Variants in ATF6 observed in about 807,000 individuals in gnomAD.
ATF6 encodes cyclic AMP-dependent transcription factor ATF-6 alpha.
In ATF6, 53 loss-of-function variants were observed where a neutral mutation model predicts 83.6. The observed-to-expected ratio is 0.63, with a 90% CI of 0.51 to 0.80. The LOEUF (loss-of-function observed/expected upper bound fraction) is 0.80, where lower values mean the gene tolerates loss of function less well. ATF6 is among the 30% of genes least tolerant of loss of function. The probability of loss-of-function intolerance (pLI) is 0.00; values close to 1 mark genes in which losing one functional copy is unlikely to be tolerated. For synonymous variants in ATF6, 288 were observed against 285.8 expected, an observed-to-expected ratio of 1.01 and a Z score of -0.08; for missense variants, 744 against 797.9, an observed-to-expected ratio of 0.93 and a Z score of 0.81.
At position 161,959,533 on chromosome 1, in the gene ATF6, A is replaced by G. The variant is rs1410022773; in HGVS notation, c.*879A>G. The G allele has an allele frequency of 3.3e-5, 5 of 151,912 alleles. No individual in the cohort carries two copies. The highest frequency in any genetic ancestry group is 1.9e-4 in the East Asian group (1 of 5,186). 9.4% of individuals were successfully genotyped at this position (151,912 alleles called of 1,614,324 possible). A position where few individuals can be genotyped will look rare whatever the true frequency, so the allele number is the denominator to read the frequency against. On this transcript the variant is annotated 3_prime_UTR_variant, in exon 16 of 16. Coordinates refer to ENST00000367942, the MANE Select transcript of ATF6 (RefSeq NM_007348.4). ...AAAATACAAAAAATTAGCCGGGCGT[A>G]GTGACGGGCGCCTGTAGTCCCAGCT...
chr1:161,945,475 C>T (rs1688729859), intron 15 of ATF6, among the ~76,000 whole-genome samples: 1 of 152,182 alleles, frequency 6.6e-6, no homozygotes, highest in Non-Finnish European at 1.5e-5. Flanking sequence ...ACTGTTGTCA[C>T]TATGCCAGTC....
intron 14 of ATF6, among the ~76,000 whole-genome samples, chr1:161,881,652 G>A (rs576055788): frequency 6.6e-6 from 1 of 152,166 alleles, no homozygotes; most frequent in East Asian, 1.9e-4. Context: ...GAAGCTTTGC[G>A]AGTTCTTTAT....
At chr1:161,859,570 A>T (rs2101835002) in intron 12 of ATF6, among the ~76,000 whole-genome samples, 1 of 152,338 alleles carries the variant, frequency 6.6e-6, no homozygotes, top group African/African-American at 2.4e-5. Context: ...ATGCCCTTGA[A>T]GTCTGATACC....
At chr1:161,895,205 C>G (rs1055850772) in intron 14 of ATF6, among the ~76,000 whole-genome samples, 20 of 152,082 alleles carry the variant, frequency 1.3e-4, no homozygotes, top group African/African-American at 4.6e-4. Context: ...CCACTGCACT[C>G]CAGCTTGGCT....
At chr1:161,895,645 A>T (rs761608863) in intron 14 of ATF6, among the ~76,000 whole-genome samples, 1 of 152,220 alleles carries the variant, frequency 6.6e-6, no homozygotes, top group Non-Finnish European at 1.5e-5. Context: ...TGCCTATATG[A>T]CTGTGAGAAT....
chr1:161,904,325 C>T (rs568184069), intron 14 of ATF6, among the ~76,000 whole-genome samples: 12 of 152,280 alleles, frequency 7.9e-5, no homozygotes, highest in East Asian at 3.9e-4. Flanking sequence ...TGGTGACTCA[C>T]GCCTGTAATC....
At chr1:161,929,788 CCA>C (rs1203595715) in intron 15 of ATF6, among the ~76,000 whole-genome samples, 15 of 152,220 alleles carry the variant, frequency 9.9e-5, no homozygotes, top group Admixed American at 3.9e-4. Context: ...GTTTACAAAC[CCA>C]CAGTTAGTGA....
intron 7 of ATF6, among the ~76,000 whole-genome samples, chr1:161,813,433 G>C (rs186099673): frequency 1.1e-4 from 16 of 152,270 alleles, no homozygotes; most frequent in African/African-American, 3.8e-4. Flanking sequence ...TTTTGGATTG[G>C]ATGAGACCTT....
At chr1:161,782,778 A>G (rs2101729339) in intron 3 of ATF6, among the ~76,000 whole-genome samples, 1 of 133,802 alleles carries the variant, frequency 7.5e-6, no homozygotes, top group South Asian at 2.6e-4. Context: ...ACACAAAGTC[A>G]GTGTTCTGGT....
At chr1:161,833,381 C>G (rs1399399223) in intron 9 of ATF6, among the ~76,000 whole-genome samples, 2 of 151,978 alleles carry the variant, frequency 1.3e-5, no homozygotes. Context: ...GCTCCTCACC[C>G]GCAACAGAAC....
intron 7 of ATF6, among the ~76,000 whole-genome samples, chr1:161,806,788 T>C (rs1362778673): frequency 2.0e-5 from 3 of 152,178 alleles, no homozygotes; most frequent in African/African-American, 4.8e-5. Flanking sequence ...AATCCTTTGC[T>C]ACTGGTTTGC....
chr1:161,865,584 GT>G, intron 14 of ATF6, among the ~76,000 whole-genome samples: 1 of 152,190 alleles, frequency 6.6e-6, no homozygotes, highest in Non-Finnish European at 1.5e-5. Context: ...TAAAAGTGCT[GT>G]TAGAAAATTA....
chr1:161,828,456 G>C (rs553881840), intron 9 of ATF6, among the ~76,000 whole-genome samples: 1 of 152,292 alleles, frequency 6.6e-6, no homozygotes, highest in East Asian at 1.9e-4. Context: ...TTGCGGCGTA[G>C]TGTCTGGGGA....
At chr1:161,863,436 G>A in intron 14 of ATF6, 124 bp downstream of exon 14, 1 of 671,704 alleles carries the variant, frequency 1.5e-6, no homozygotes. Flanking sequence ...AATAAATTAT[G>A]TGAGTGGAAC....
intron 15 of ATF6, among the ~76,000 whole-genome samples, chr1:161,952,379 C>T (rs1248597806): frequency 6.6e-6 from 1 of 152,090 alleles, no homozygotes; most frequent in Non-Finnish European, 1.5e-5. Flanking sequence ...CTCCTCTGGG[C>T]CCTGCACTTA....
At chr1:161,879,193 G>T (rs1431750547) in intron 14 of ATF6, among the ~76,000 whole-genome samples, 3 of 152,104 alleles carry the variant, frequency 2.0e-5, no homozygotes, top group Non-Finnish European at 4.4e-5. Context: ...TGTTTTCCCA[G>T]TGAAGGACAT....
chr1:161,952,207 G>A (rs1688878374), intron 15 of ATF6, among the ~76,000 whole-genome samples: 1 of 152,078 alleles, frequency 6.6e-6, no homozygotes, highest in Admixed American at 6.6e-5. Flanking sequence ...CAAGCCTACA[G>A]GTTCTAGCCC....
intron 15 of ATF6, among the ~76,000 whole-genome samples, chr1:161,946,387 A>G (rs1443529178): frequency 2.0e-5 from 3 of 152,236 alleles, no homozygotes; most frequent in Non-Finnish European, 4.4e-5. Flanking sequence ...CTCCAGCGAT[A>G]CAACTATGGA....
rs377634670 is a variant in ATF6, at chr1:161,865,505, C to T, written c.1719+2193C>T. 2.4e-3 allele frequency among the ~76,000 whole-genome samples: 358 copies of T among 152,108 alleles called. 1 individual carries two copies. Among genetic ancestry groups the T allele is most frequent in the African/African-American group, 8.0e-3 (332 of 41,468 alleles). On this transcript the variant is annotated intron_variant, in intron 14 of 15. Transcript: ENST00000367942. ...TATTTTTATAAAAGACAGTGAATGG[C>T]GGTTTAAAAAATATATATGCATTGC...
Sources: allele counts gnomAD v4.1 joint callset (sites outside exome capture counted in the v4.1 genomes callset), GRCh38; gene constraint gnomAD v4.1.1; transcripts MANE v1.5; gene names NCBI Gene and HGNC (gene_info 2026-07-23, HGNC 2026-07-21).